PALM: variants seen among roughly 807,000 people sequenced by gnomAD.
PALM encodes paralemmin.
A neutral mutation model predicts 30.7 loss-of-function variants in PALM; 18 were observed. The observed-to-expected ratio is 0.59, with a 90% CI of 0.41 to 0.87. The LOEUF (loss-of-function observed/expected upper bound fraction) is 0.87, where lower values mean the gene tolerates loss of function less well. Ranked by LOEUF, PALM falls within the 40% of genes least tolerant of loss-of-function variation. PALM has a pLI of 0.00. For missense variants in PALM, 529 were observed against 555.4 expected, an observed-to-expected ratio of 0.95 and a Z score of 0.48; for synonymous variants, 286 against 242.8, an observed-to-expected ratio of 1.18 and a Z score of -1.66.
intron 8 of PALM, among the ~76,000 whole-genome samples, chr19:743,053 G>A (rs1407831445): frequency 6.6e-6 from 1 of 152,098 alleles, no homozygotes; most frequent in Non-Finnish European, 1.5e-5. Flanking sequence ...ACCAGCGCTC[G>A]TAGCCCATTC....
intron 7 of PALM, among the ~76,000 whole-genome samples, chr19:737,299 A>C (rs1015493038): frequency 6.6e-6 from 1 of 152,192 alleles, no homozygotes; most frequent in Non-Finnish European, 1.5e-5. Context: ...CCCCGTGGCC[A>C]CTGACTTTGT....
chr19:731,329 C>T (rs987156105), intron 5 of PALM, 84 bp downstream of exon 5: 47 of 1,269,870 alleles, frequency 3.7e-5, no homozygotes, highest in Non-Finnish European at 4.6e-5. Flanking sequence ...TCCATGTCAG[C>T]GTAGCTGAGG....
intron 1 of PALM, among the ~76,000 whole-genome samples, chr19:723,079 G>A (rs984483371): frequency 9.2e-5 from 14 of 152,160 alleles, no homozygotes; most frequent in Admixed American, 8.5e-4. Flanking sequence ...TCCCAGGCGG[G>A]GCTGGGGGTG....
chr19:717,752 C>T (rs1201021373), intron 1 of PALM, among the ~76,000 whole-genome samples: 2 of 132,730 alleles, frequency 1.5e-5, no homozygotes, highest in Non-Finnish European at 3.3e-5. Context: ...AAGAGGGGGC[C>T]GGGATTGGGG....
At chr19:716,946 T>C (rs1018740351) in intron 1 of PALM, among the ~76,000 whole-genome samples, 7 of 152,074 alleles carry the variant, frequency 4.6e-5, no homozygotes, top group Non-Finnish European at 1.0e-4. Flanking sequence ...CTTTTTTTTT[T>C]TTTGAGACAG....
intron 5 of PALM, 149 bp downstream of exon 5, chr19:731,394 C>A (rs1038581760): frequency 4.8e-5 from 36 of 748,034 alleles, no homozygotes; most frequent in Non-Finnish European, 7.2e-5. Context: ...GGAGCCACTT[C>A]CCAGCTGTGT....
At chr19:724,274 G>A (rs1214921507) in intron 1 of PALM, among the ~76,000 whole-genome samples, 2 of 152,068 alleles carry the variant, frequency 1.3e-5, no homozygotes, top group African/African-American at 2.4e-5. Context: ...CCTGAAGCCC[G>A]GTCCCTTCAG....
At chr19:736,195 G>A (rs3815068) in intron 7 of PALM, 117 bp downstream of exon 7, 31,942 of 724,274 alleles carry the variant, frequency 0.044, 959 homozygotes, top group East Asian at 0.099. Context: ...AGCGTCTGAC[G>A]GGGCCGTGGT....
At chr19:717,076 C>T (rs1212927091) in intron 1 of PALM, among the ~76,000 whole-genome samples, 1 of 152,086 alleles carries the variant, frequency 6.6e-6, no homozygotes, top group African/African-American at 2.4e-5. Context: ...ATTACAGGCA[C>T]GTGCCACCAC....
At position 742,688 on chromosome 19, in the gene PALM, C is replaced by T. The variant is rs1333804897; in HGVS notation, c.634+2205C>T. Among the ~76,000 whole-genome samples the T allele has an allele frequency of 6.6e-6, 1 of 152,026 alleles. No individual in the cohort carries two copies. The highest frequency in any genetic ancestry group is 1.9e-4 in the East Asian group (1 of 5,184). On this transcript the variant is annotated intron_variant, in intron 8 of 8. Transcript: ENST00000338448. The surrounding 1 kb of genome is among the most constrained non-coding windows in gnomAD (Gnocchi z 5.5). ...TCTGTGTCTGGCGTCTCTCACTGGGCGTGACGTCCCCAAGGTGCATCGGCA... is the reference window on the plus strand; with the variant it reads ...TCTGTGTCTGGCGTCTCTCACTGGGTGTGACGTCCCCAAGGTGCATCGGCA...
chr19:713,432 T>G (rs2032149796), intron 1 of PALM, among the ~76,000 whole-genome samples: 1 of 152,016 alleles, frequency 6.6e-6, no homozygotes, highest in Admixed American at 6.6e-5. Context: ...ACTGCCATCA[T>G]TAGGGGAGAT....
At chr19:722,209 C>T (rs1454630896) in intron 1 of PALM, among the ~76,000 whole-genome samples, 1 of 152,194 alleles carries the variant, frequency 6.6e-6, no homozygotes, top group African/African-American at 2.4e-5. Context: ...TGAGCCAGCG[C>T]ACCCGGCCTT....
At chr19:713,896 C>T (rs1465528230) in intron 1 of PALM, among the ~76,000 whole-genome samples, 5 of 133,050 alleles carry the variant, frequency 3.8e-5, no homozygotes, top group Non-Finnish European at 7.8e-5. Flanking sequence ...TTCTTTTTTT[C>T]TTTCTTTCTT....
chr19:747,051 C>G lies in PALM; in HGVS notation c.*237C>G, dbSNP rs2033370044. On this transcript the variant is annotated 3_prime_UTR_variant, in exon 9 of 9. Transcript: ENST00000338448. ...GCACTTGTGCCTGGTAGGAGAGAGACAGGACAGACCCGCTTTTCCCGAGAC... is the reference window on the plus strand; with the variant it reads ...GCACTTGTGCCTGGTAGGAGAGAGAGAGGACAGACCCGCTTTTCCCGAGAC... 1.9e-6 allele frequency: 1 copy of G among 513,576 alleles called. No individual in the cohort carries two copies. Among genetic ancestry groups the G allele is most frequent in the Admixed American group, 3.7e-5 (1 of 26,996 alleles). The allele number at this position is 513,576 out of a possible 1,614,324, so 31.8% of individuals were successfully genotyped here.
At chr19:715,483 A>G (rs1032681458) in intron 1 of PALM, among the ~76,000 whole-genome samples, 1 of 152,200 alleles carries the variant, frequency 6.6e-6, no homozygotes, top group African/African-American at 2.4e-5. Context: ...GTCCATCATG[A>G]ACCTTTTCTG....
rs961334532 is a variant in PALM, at chr19:709,598, C to A, written c.5+447C>A. 2.0e-5 allele frequency among the ~76,000 whole-genome samples: 3 copies of A among 151,902 alleles called. No individual in the cohort carries two copies. Among genetic ancestry groups the A allele is most frequent in the African/African-American group, 7.2e-5 (3 of 41,398 alleles). ...CCGCCCCAGTCTGAGCGCACGGCTC[C>A]TGGCGCCCTGGACGCGCGCGCGGGC... On this transcript the variant is annotated intron_variant, in intron 1 of 8. Coordinates refer to ENST00000338448, the MANE Select transcript of PALM (RefSeq NM_002579.3). The surrounding 1 kb of genome is among the most constrained non-coding windows in gnomAD (Gnocchi z 4.3).
chr19:709,278 G>A lies in PALM; in HGVS notation c.5+127G>A, dbSNP rs898001458. ...CCCCGCGAGGAGCAGGAGGCGGCGC[G>A]GGGCTGCTGGGGCCGCAGCGCAGCC... On this transcript the variant is annotated intron_variant, in intron 1 of 8. Transcript: ENST00000338448. This position sits in a 1 kb window ranked among gnomAD's most constrained non-coding sequence, Gnocchi z 4.3. 2.3e-5 allele frequency: 6 copies of A among 256,422 alleles called. No individual in the cohort carries two copies. Among genetic ancestry groups the A allele is most frequent in the Admixed American group, 1.7e-4 (3 of 17,846 alleles). The allele number at this position is 256,422 out of a possible 1,614,324, so 15.9% of individuals were successfully genotyped here.
chr19:721,222 G>A (rs1212457488), intron 1 of PALM, among the ~76,000 whole-genome samples: 1 of 152,158 alleles, frequency 6.6e-6, no homozygotes, highest in Non-Finnish European at 1.5e-5. Context: ...GGGAGCCAGG[G>A]AGCCTCTAGA....
At chr19:713,489 C>T (rs184400657) in intron 1 of PALM, among the ~76,000 whole-genome samples, 64 of 152,262 alleles carry the variant, frequency 4.2e-4, no homozygotes, top group Middle Eastern at 3.4e-3. Context: ...ACCCTCTGAG[C>T]ACCACCCAGT....
Sources: allele counts gnomAD v4.1 joint callset (sites outside exome capture counted in the v4.1 genomes callset), GRCh38; gene constraint gnomAD v4.1.1; non-coding constraint Gnocchi (gnomAD v3.1); transcripts MANE v1.5; gene names NCBI Gene and HGNC (gene_info 2026-07-23, HGNC 2026-07-21).